Variants in WDR5 observed in about 807,000 individuals in gnomAD.
WDR5 encodes the protein WD repeat domain 5.
For missense variants in WDR5, 187 were observed against 416.9 expected, an observed-to-expected ratio of 0.45 and a Z score of 4.80; for synonymous variants, 144 against 161.6, an observed-to-expected ratio of 0.89 and a Z score of 0.83.
intron 1 of WDR5, among the ~76,000 whole-genome samples, chr9:134,138,626 T>TA: frequency 1.3e-5 from 2 of 152,216 alleles, no homozygotes; most frequent in African/African-American, 4.8e-5. Context: ...GTGATCCATC[T>TA]TTGCGCAGGG....
intron 7 of WDR5, among the ~76,000 whole-genome samples, chr9:134,147,881 C>T (rs972794840): frequency 4.0e-5 from 6 of 151,700 alleles, no homozygotes; most frequent in African/African-American, 7.3e-5. Flanking sequence ...AAAGGGTGGG[C>T]GCGGTGCCTC....
intron 8 of WDR5, 93 bp from the exon 9 acceptor site, chr9:134,151,890 C>A (rs149244803): frequency 8.0e-7 from 1 of 1,252,078 alleles, no homozygotes; most frequent in Non-Finnish European, 1.1e-6. Context: ...TAGGGAAAAG[C>A]GTGCTAGTCC....
chr9:134,154,367 C>T, intron 9 of WDR5, 99 bp from the exon 10 acceptor site: 2 of 1,268,656 alleles, frequency 1.6e-6, no homozygotes, highest in Non-Finnish European at 2.3e-6. Flanking sequence ...GCCGACCTCA[C>T]TCAGATGTCG....
At chr9:134,147,939 G>A (rs1832288424) in intron 7 of WDR5, among the ~76,000 whole-genome samples, 1 of 152,016 alleles carries the variant, frequency 6.6e-6, no homozygotes, top group African/African-American at 2.4e-5. Context: ...TGGATCACTT[G>A]CGGTCAGGAG....
Position 134,157,403 on chromosome 9 carries a change from C to T in WDR5, c.905-490C>T, listed in dbSNP as rs1832794175. The stretch of plus-strand genomic sequence containing the variant: ...GGTGGTGGACTTGTCCTTGCTGTGA[C>T]AGAGCCAGCCCTGTGGGGTGCTCTG... On this transcript the variant is annotated intron_variant, in intron 13 of 13. Coordinates refer to ENST00000358625, the MANE Select transcript of WDR5 (RefSeq NM_017588.3). The surrounding 1 kb of genome is among the most constrained non-coding windows in gnomAD (Gnocchi z 5.0). Among the ~76,000 whole-genome samples the T allele has an allele frequency of 6.6e-6, 1 of 152,174 alleles. No individual in the cohort carries two copies. The highest frequency in any genetic ancestry group is 2.1e-4 in the South Asian group (1 of 4,822).
Position 134,139,882 on chromosome 9 carries a change from C to T in WDR5, c.5C>T (p.Ala2Val), listed in dbSNP as rs762606797. ...TGTGCGGCCAGCGTCAGAGCCATGG[C>T]GACGGAGGAGAAGAAGCCCGAGACC... M[A>V]TEEKKPETEA... Residue 2 changes from alanine (A) to valine (V), a missense_variant, in exon 2 of 14, where the codon GCG becomes GTG. Ala to Val is a moderately conservative substitution (Grantham distance 64, BLOSUM62 0). Transcript: ENST00000358625. The T allele has an allele frequency of 1.9e-6, 3 of 1,613,458 alleles. No homozygotes were observed. The highest frequency in any genetic ancestry group is 2.2e-5 in the East Asian group (1 of 44,882).
chr9:134,148,620 C>T (rs141210033), intron 8 of WDR5, among the ~76,000 whole-genome samples: 210 of 152,156 alleles, frequency 1.4e-3, no homozygotes, highest in Middle Eastern at 0.014. Context: ...TCCGTGTAGA[C>T]GCTGACGTGT....
chr9:134,153,940 G>C (rs1013857201), intron 9 of WDR5, among the ~76,000 whole-genome samples: 1 of 152,226 alleles, frequency 6.6e-6, no homozygotes, highest in Non-Finnish European at 1.5e-5. Context: ...TCAGCTGTGT[G>C]AGAAGCAGCG....
At chr9:134,153,533 C>T (rs1355394138) in intron 9 of WDR5, among the ~76,000 whole-genome samples, 1 of 152,238 alleles carries the variant, frequency 6.6e-6, no homozygotes, top group Admixed American at 6.5e-5. Context: ...TCACTGTGAC[C>T]TCGGCCTGCC....
At chr9:134,154,388 AT>A in intron 9 of WDR5, 77 bp from the exon 10 acceptor site, 1 of 1,442,170 alleles carries the variant, frequency 6.9e-7, no homozygotes, top group Non-Finnish European at 9.7e-7. Flanking sequence ...CACGTGGGGG[AT>A]GGGGAGCGGG....
intron 7 of WDR5, among the ~76,000 whole-genome samples, chr9:134,145,233 G>A (rs1333158124): frequency 1.3e-5 from 2 of 151,462 alleles, no homozygotes; most frequent in African/African-American, 4.8e-5. Context: ...CAAGTACCTG[G>A]GATTACAGGT....
At chr9:134,140,947 G>A (rs575780042) in intron 3 of WDR5, 136 bp downstream of exon 3, 2 of 791,498 alleles carry the variant, frequency 2.5e-6, no homozygotes, top group Admixed American at 2.1e-5. Flanking sequence ...GTAGCAGGCG[G>A]GTGTGTCTCC....
At position 134,157,679 on chromosome 9, in the gene WDR5, C is replaced by A. The variant is rs952224514; in HGVS notation, c.905-214C>A. On this transcript the variant is annotated intron_variant, in intron 13 of 13. Coordinates refer to ENST00000358625, the MANE Select transcript of WDR5 (RefSeq NM_017588.3). This position sits in a 1 kb window ranked among gnomAD's most constrained non-coding sequence, Gnocchi z 5.0. ...TGGCCTCCTGCCCCTGTCCCCCAAC[C>A]GGCTGTGTCGCCCTGGTACCGGCTG... 6.6e-6 allele frequency among the ~76,000 whole-genome samples: 1 copy of A among 152,092 alleles called. No individual in the cohort carries two copies.
Position 134,155,716 on chromosome 9 carries a change from C to G in WDR5, c.765C>G (p.His255Gln). ...KGKCLKTYTG[H>Q]KNEKYCIFAN... is the part of the protein sequence containing the mutation. ...AGTGCCTGAAGACGTACACTGGCCA[C>G]AAGAATGAGAAATACTGCATATTTG... is the stretch of plus-strand genomic sequence containing the variant. Residue 255 changes from histidine to glutamine, a missense_variant, in exon 12 of 14, where the codon CAC becomes CAG. By Grantham distance (24) the His-to-Gln change is conservative. Transcript: ENST00000358625. 2 of 1,614,146 alleles carry G rather than the reference C, an allele frequency of 1.2e-6. No individual in the cohort carries two copies. The highest frequency in any genetic ancestry group is 1.7e-6 in the Non-Finnish European group (2 of 1,180,026).
At chr9:134,136,772 C>G (rs575650822) in intron 1 of WDR5, among the ~76,000 whole-genome samples, 1 of 152,332 alleles carries the variant, frequency 6.6e-6, no homozygotes, top group East Asian at 1.9e-4. Flanking sequence ...TCTGCGAGAG[C>G]CATTTTGAGC....
chr9:134,146,308 C>G (rs1273133279), intron 7 of WDR5, among the ~76,000 whole-genome samples: 3 of 151,628 alleles, frequency 2.0e-5, no homozygotes, highest in African/African-American at 7.3e-5. Context: ...GATCTTGGCT[C>G]ACTGCAACCT....
chr9:134,144,672 T>C (rs1298935176), intron 7 of WDR5, among the ~76,000 whole-genome samples: 3 of 152,010 alleles, frequency 2.0e-5, no homozygotes, highest in African/African-American at 7.2e-5. Flanking sequence ...AGATCCTGTC[T>C]CTATACAAAA....
chr9:134,140,945 CG>C, intron 3 of WDR5, 134 bp downstream of exon 3: 1 of 798,648 alleles, frequency 1.3e-6, no homozygotes, highest in Non-Finnish European at 2.1e-6. Context: ...ACGTAGCAGG[CG>C]GGTGTGTCTC....
chr9:134,146,200 C>T (rs1832191433), intron 7 of WDR5, among the ~76,000 whole-genome samples: 1 of 151,072 alleles, frequency 6.6e-6, no homozygotes, highest in Non-Finnish European at 1.5e-5. Context: ...ATCTCCTGAC[C>T]TCATAATCCG....
Sources: allele counts gnomAD v4.1 joint callset (sites outside exome capture counted in the v4.1 genomes callset), GRCh38; gene constraint gnomAD v4.1.1; non-coding constraint Gnocchi (gnomAD v3.1); transcripts MANE v1.5; gene names NCBI Gene and HGNC (gene_info 2026-07-23, HGNC 2026-07-21).